Variants in MAST4 observed in about 807,000 individuals in gnomAD.
MAST4 encodes the protein microtubule-associated serine/threonine-protein kinase 4.
Under a neutral mutation model 162.7 loss-of-function variants are expected in MAST4, and 89 were observed. That is an observed-to-expected ratio of 0.55 (90% confidence interval 0.46 to 0.65). The LOEUF (loss-of-function observed/expected upper bound fraction) is 0.65, where lower values mean the gene tolerates loss of function less well. MAST4 is among the 30% of genes least tolerant of loss of function. The pLI, the probability that MAST4 is intolerant of heterozygous loss-of-function variation, is 0.00. For synonymous variants in MAST4, 1,479 were observed against 1,361.1 expected (o/e 1.09, Z -1.91); for missense variants, 3,153 against 3,374.0 (o/e 0.93, Z 1.62).
At chr5:67,142,346 C>T (rs10078626) in intron 20 of MAST4, 75 bp from the exon 21 acceptor site, 109,117 of 1,517,544 alleles carry the variant, frequency 0.072, 4,360 homozygotes, top group African/African-American at 0.13. Flanking sequence ...AATGTTGATC[C>T]AGAAAATCAT....
intron 4 of MAST4, among the ~76,000 whole-genome samples, chr5:66,939,176 T>C (rs1400607031): frequency 2.6e-5 from 4 of 152,068 alleles, no homozygotes; most frequent in Non-Finnish European, 5.9e-5. Context: ...CATCAGAGAA[T>C]TGAAATTTGT....
chr5:67,026,292 G>A (rs1754638039), intron 4 of MAST4, among the ~76,000 whole-genome samples: 1 of 152,146 alleles, frequency 6.6e-6, no homozygotes, highest in South Asian at 2.1e-4. Context: ...AAGAGGCAAA[G>A]CCTCAAATGC....
intron 3 of MAST4, among the ~76,000 whole-genome samples, chr5:66,822,253 A>G (rs995995251): frequency 3.3e-5 from 5 of 152,164 alleles, no homozygotes; most frequent in Non-Finnish European, 7.3e-5. Context: ...CTTTCTTCCC[A>G]GAACTGCTCA....
chr5:67,150,500 A>C (rs1254022328), intron 24 of MAST4, among the ~76,000 whole-genome samples: 2 of 152,220 alleles, frequency 1.3e-5, no homozygotes, highest in Non-Finnish European at 2.9e-5. Context: ...GTTTAGCACC[A>C]TAAAACAAAC....
intron 1 of MAST4, among the ~76,000 whole-genome samples, chr5:66,712,658 T>C (rs1408512848): frequency 2.0e-5 from 3 of 152,172 alleles, no homozygotes; most frequent in African/African-American, 4.8e-5. Flanking sequence ...CTCAAAGAAA[T>C]AGAGTTCCAG....
At chr5:66,828,992 T>C in intron 3 of MAST4, 2 of 899,974 alleles carry the variant, frequency 2.2e-6, no homozygotes, top group Non-Finnish European at 3.6e-6. Context: ...GCATAATTCT[T>C]AGTATCTACA....
intron 1 of MAST4, among the ~76,000 whole-genome samples, chr5:66,694,806 CAT>C (rs747758963): frequency 3.0e-4 from 45 of 152,268 alleles, no homozygotes; most frequent in African/African-American, 9.4e-4. Flanking sequence ...CTTTTTCTCA[CAT>C]GTTTTTGGCT....
At chr5:66,638,369 CA>C (rs1265678126) in intron 1 of MAST4, among the ~76,000 whole-genome samples, 1 of 152,142 alleles carries the variant, frequency 6.6e-6, no homozygotes, top group African/African-American at 2.4e-5. Context: ...CTAAGTAAGT[CA>C]ATGATAAAAT....
chr5:66,897,326 GAAAAT>G (rs1355429351), intron 3 of MAST4, among the ~76,000 whole-genome samples: 5 of 152,106 alleles, frequency 3.3e-5, no homozygotes, highest in African/African-American at 1.2e-4. Flanking sequence ...CTGACATTAA[GAAAAT>G]AAAATGAGGA....
At chr5:66,890,682 A>G (rs1486406494) in intron 3 of MAST4, among the ~76,000 whole-genome samples, 1 of 152,226 alleles carries the variant, frequency 6.6e-6, no homozygotes, top group East Asian at 1.9e-4. Flanking sequence ...CTATGAATGC[A>G]GCCTGATAGC....
intron 4 of MAST4, among the ~76,000 whole-genome samples, chr5:67,007,063 G>A (rs147021808): frequency 5.3e-4 from 81 of 152,246 alleles, no homozygotes; most frequent in African/African-American, 1.8e-3. Context: ...CAAAGGGCTA[G>A]CATTGCTTTA....
At chr5:66,751,225 A>G (rs1220888716) in intron 1 of MAST4, among the ~76,000 whole-genome samples, 2 of 152,156 alleles carry the variant, frequency 1.3e-5, no homozygotes, top group Non-Finnish European at 2.9e-5. Context: ...TGGAAACTCT[A>G]AAAAGCAGAG....
At chr5:66,634,539 TA>T (rs772210081) in intron 1 of MAST4, among the ~76,000 whole-genome samples, 17 of 152,242 alleles carry the variant, frequency 1.1e-4, no homozygotes, top group Non-Finnish European at 1.8e-4. Context: ...TCATCTTTTT[TA>T]AATTTTAGAA....
At chr5:66,829,593 C>T (rs1348063967) in intron 3 of MAST4, among the ~76,000 whole-genome samples, 1 of 152,032 alleles carries the variant, frequency 6.6e-6, no homozygotes, top group Non-Finnish European at 1.5e-5. Flanking sequence ...TAAGTATGTT[C>T]AACATTAGTA....
At chr5:66,603,208 T>G (rs1742664721) in intron 1 of MAST4, among the ~76,000 whole-genome samples, 1 of 152,206 alleles carries the variant, frequency 6.6e-6, no homozygotes, top group Admixed American at 6.5e-5. Flanking sequence ...TTTAATTTCA[T>G]GGGCAGAGCA....
intron 2 of MAST4, among the ~76,000 whole-genome samples, chr5:66,772,284 G>A (rs915548467): frequency 6.6e-6 from 1 of 152,150 alleles, no homozygotes; most frequent in Non-Finnish European, 1.5e-5. Context: ...TGGCTCTTCT[G>A]ATGATGTTTC....
chr5:66,644,469 T>C (rs943069241), intron 1 of MAST4, among the ~76,000 whole-genome samples: 1 of 152,226 alleles, frequency 6.6e-6, no homozygotes, highest in African/African-American at 2.4e-5. Flanking sequence ...TTCAACTTAC[T>C]GAGAGAGAAA....
At chr5:67,007,712 A>G (rs1483532350) in intron 4 of MAST4, among the ~76,000 whole-genome samples, 1 of 152,164 alleles carries the variant, frequency 6.6e-6, no homozygotes, top group Non-Finnish European at 1.5e-5. Context: ...AACCTTTATT[A>G]TGGTAGAAAT....
intron 1 of MAST4, among the ~76,000 whole-genome samples, chr5:66,724,312 G>A (rs1181728263): frequency 4.6e-5 from 7 of 152,152 alleles, no homozygotes; most frequent in Non-Finnish European, 8.8e-5. Flanking sequence ...GCATGATTTT[G>A]TGTATTGACC....
Sources: allele counts gnomAD v4.1 joint callset (sites outside exome capture counted in the v4.1 genomes callset), GRCh38; gene constraint gnomAD v4.1.1; transcripts MANE v1.5; gene names NCBI Gene and HGNC (gene_info 2026-07-23, HGNC 2026-07-21).